Variants in ELP4 observed in about 807,000 individuals in gnomAD.
ELP4 encodes elongator complex protein 4.
Under a neutral mutation model 48.9 loss-of-function variants are expected in ELP4, and 51 were observed. The ratio of observed to expected loss-of-function variants is 1.04; its 90% confidence interval spans 0.83 to 1.32. ELP4 has a LOEUF of 1.32. ELP4 is among the 40% of genes most tolerant of loss of function. ELP4 has a pLI of 0.00. For missense variants in ELP4, 519 were observed against 514.6 expected (o/e 1.01, Z -0.08); for synonymous variants, 210 against 189.2 (o/e 1.11, Z -0.90).
chr11:31,712,049 T>C (rs1419760356), intron 9 of ELP4, among the ~76,000 whole-genome samples: 1 of 152,050 alleles, frequency 6.6e-6, no homozygotes, highest in African/African-American at 2.4e-5. Flanking sequence ...CTCATATGAA[T>C]GATGGGCTTG....
At position 31,632,382 on chromosome 11, in the gene ELP4, A is replaced by G. The variant is rs746263754; in HGVS notation, c.904A>G (p.Thr302Ala). Residue 302 changes from threonine to alanine, a missense_variant, in exon 7 of 10, where the codon ACA (threonine) becomes GCA (alanine). By Grantham distance (58) the Thr-to-Ala change is moderately conservative (BLOSUM62 0). Coordinates refer to ENST00000640961, the MANE Select transcript of ELP4 (RefSeq NM_019040.5). Reference sequence around the variant, plus strand: ...AACCTCTCTTTCAGCCTGCATCATCACAATGCCAACACATCTGATCCAGGT... The same window carrying G: ...AACCTCTCTTTCAGCCTGCATCATCGCAATGCCAACACATCTGATCCAGGT... ...LRTSLSACII[T>A]MPTHLIQNKA... 1.7e-5 allele frequency: 27 copies of G among 1,611,328 alleles called. No individual in the cohort carries two copies. The highest frequency in any genetic ancestry group is 2.2e-5 in the Non-Finnish European group (26 of 1,179,102).
chr11:31,721,631 G>A (rs1466783330), intron 9 of ELP4, among the ~76,000 whole-genome samples: 1 of 152,042 alleles, frequency 6.6e-6, no homozygotes, highest in Non-Finnish European at 1.5e-5. Context: ...GGCAGGTCTT[G>A]TGGGGAATTT....
At chr11:31,674,116 C>T (rs1411716772) in intron 9 of ELP4, among the ~76,000 whole-genome samples, 1 of 152,162 alleles carries the variant, frequency 6.6e-6, no homozygotes, top group African/African-American at 2.4e-5. Flanking sequence ...CAATTCATCA[C>T]TCTATTTACA....
At chr11:31,630,784 A>G (rs1290934156) in intron 6 of ELP4, among the ~76,000 whole-genome samples, 3 of 152,110 alleles carry the variant, frequency 2.0e-5, no homozygotes, top group African/African-American at 7.2e-5. Context: ...TACAAAAACA[A>G]TAAAAGAAAA....
intron 3 of ELP4, among the ~76,000 whole-genome samples, chr11:31,549,293 A>G (rs1477959698): frequency 6.6e-6 from 1 of 152,108 alleles, no homozygotes; most frequent in Admixed American, 6.5e-5. Context: ...TTTACAAGAA[A>G]AAAACAAATA....
At chr11:31,749,096 G>T (rs1371595851) in intron 9 of ELP4, among the ~76,000 whole-genome samples, 2 of 152,186 alleles carry the variant, frequency 1.3e-5, no homozygotes, top group African/African-American at 4.8e-5. Context: ...TTGTACTGGG[G>T]AAAATAACTG....
intron 9 of ELP4, chr11:31,662,397 T>C (rs568485004): frequency 2.5e-6 from 1 of 393,164 alleles, no homozygotes; most frequent in East Asian, 3.6e-5. Flanking sequence ...CCTGTTGCAA[T>C]AGAACATGTG....
intron 9 of ELP4, among the ~76,000 whole-genome samples, chr11:31,667,903 C>T (rs559511754): frequency 6.6e-6 from 1 of 152,242 alleles, no homozygotes; most frequent in East Asian, 1.9e-4. Flanking sequence ...TTATCATACT[C>T]CGTTACTCCT....
chr11:31,689,850 T>TGTG (rs369346535), intron 9 of ELP4, among the ~76,000 whole-genome samples: 5 of 152,038 alleles, frequency 3.3e-5, no homozygotes, highest in African/African-American at 4.8e-5. Flanking sequence ...GGGTTGTGGT[T>TGTG]GTGGTGGTGG....
chr11:31,534,245 G>A (rs1956461612), intron 2 of ELP4, among the ~76,000 whole-genome samples: 1 of 150,196 alleles, frequency 6.7e-6, no homozygotes, highest in Admixed American at 6.7e-5. Flanking sequence ...TGGATTATAA[G>A]GATGGGGAGA....
At chr11:31,767,235 A>G (rs1294817667) in intron 9 of ELP4, 3 of 152,218 alleles carry the variant, frequency 2.0e-5, no homozygotes, top group Non-Finnish European at 4.4e-5. Flanking sequence ...GCATACCTGC[A>G]GACCCTGGAT....
At chr11:31,635,728 A>G (rs1944961090) in intron 7 of ELP4, among the ~76,000 whole-genome samples, 1 of 152,010 alleles carries the variant, frequency 6.6e-6, no homozygotes, top group South Asian at 2.1e-4. Flanking sequence ...GGCATTCAAT[A>G]TATGTTAGCA....
chr11:31,726,091 A>G (rs1474988594), intron 9 of ELP4, among the ~76,000 whole-genome samples: 2 of 152,228 alleles, frequency 1.3e-5, no homozygotes, highest in Non-Finnish European at 2.9e-5. Flanking sequence ...CTCAGAGGAG[A>G]ATGTAAACAG....
chr11:31,566,857 A>G (rs1413270574), intron 3 of ELP4, among the ~76,000 whole-genome samples: 1 of 152,190 alleles, frequency 6.6e-6, no homozygotes, highest in Non-Finnish European at 1.5e-5. Flanking sequence ...ACACCTGTCT[A>G]TAAAAAAAGA....
rs777491011 is a variant in ELP4 at position 31,682,043 on chromosome 11, G to A, written c.1143+31822G>A. Reference sequence around the variant, plus strand: ...GGCATGAGCTACCGCGCCCGGCCTAGGGCTTTGTATTTCAAAGAGAACAAG... The same window carrying A: ...GGCATGAGCTACCGCGCCCGGCCTAAGGCTTTGTATTTCAAAGAGAACAAG... On this transcript the variant is annotated intron_variant, in intron 9 of 9. Transcript: ENST00000640961. 18 of 1,292,364 alleles carry A rather than the reference G, an allele frequency of 1.4e-5. No individual in the cohort carries two copies. The South Asian group carries it at 2.0e-4, about 14-fold the overall frequency. 80.1% of individuals were successfully genotyped at this position (1,292,364 alleles called of 1,614,324 possible).
chr11:31,737,531 G>A (rs1947346911), intron 9 of ELP4, among the ~76,000 whole-genome samples: 1 of 151,966 alleles, frequency 6.6e-6, no homozygotes, highest in East Asian at 1.9e-4. Flanking sequence ...AGCAATTAAG[G>A]TGGCCTACAG....
At chr11:31,716,866 G>A (rs373723830) in intron 9 of ELP4, among the ~76,000 whole-genome samples, 3 of 152,202 alleles carry the variant, frequency 2.0e-5, no homozygotes, top group South Asian at 2.1e-4. Context: ...TTGATGCCAA[G>A]TGCAGTAAGA....
chr11:31,509,931 T>A lies in ELP4; in HGVS notation c.147T>A (p.Ile49=). 1 of 1,613,792 alleles carries A rather than the reference T, an allele frequency of 6.2e-7. No individual in the cohort carries two copies. Residue 49 remains isoleucine (I), a synonymous_variant, in exon 1 of 10, where the codon ATT becomes ATA. Coordinates refer to ENST00000640961, the MANE Select transcript of ELP4 (RefSeq NM_019040.5). Reference sequence around the variant, plus strand: ...ACAGCGGCCCTCGACTGGTGTCCATTGCGGGCACGCGACCGTCGGTGCGGA... The same window carrying A: ...ACAGCGGCCCTCGACTGGTGTCCATAGCGGGCACGCGACCGTCGGTGCGGA... ...TNDSGPRLVS[I]AGTRPSVRNG...
chr11:31,790,052 T>C lies in ELP4; in HGVS notation c.*6528T>C. ...TGGATGAAAGAAATAGCCATGTAGA[T>C]ATTCCCTTTGAGAAACAGACATGGA... On this transcript the variant is annotated 3_prime_UTR_variant, in exon 10 of 10. Transcript: ENST00000640961. The C allele has an allele frequency of 1.7e-6, 2 of 1,190,298 alleles. No homozygotes were observed. Among genetic ancestry groups the C allele is most frequent in the Non-Finnish European group, 2.4e-6 (2 of 823,360 alleles). The allele number at this position is 1,190,298 out of a possible 1,614,324, so 73.7% of individuals were successfully genotyped here. A position where few individuals can be genotyped will look rare whatever the true frequency, so the allele number is the denominator to read the frequency against.
Sources: gnomAD v4.1 joint callset for allele counts (sites outside exome capture counted in the v4.1 genomes callset) on GRCh38, gnomAD v4.1.1 for gene constraint, MANE v1.5 for transcripts, NCBI Gene and HGNC (gene_info 2026-07-23, HGNC 2026-07-21) for gene names.